The following EPB41L2 variants were observed in gnomAD, a reference collection of about 807,000 sequenced individuals.
The protein encoded by EPB41L2 is erythrocyte membrane protein band 4.1 like 2.
EPB41L2 carries 43 observed loss-of-function variants against 113.0 expected under a neutral mutation model. The observed-to-expected ratio is 0.38, with a 90% CI of 0.30 to 0.49. The LOEUF is 0.49. Among genes scored for constraint, EPB41L2 ranks in the 20% least tolerant of loss-of-function variants. The probability of loss-of-function intolerance (pLI) is 0.95; values close to 1 mark genes in which losing one functional copy is unlikely to be tolerated. For synonymous variants in EPB41L2, 442 were observed against 436.7 expected (o/e 1.01, Z -0.15); for missense variants, 1,147 against 1,223.4 (o/e 0.94, Z 0.93).
At chr6:130,954,209 C>G (rs1255143926) in intron 3 of EPB41L2, among the ~76,000 whole-genome samples, 1 of 151,836 alleles carries the variant, frequency 6.6e-6, no homozygotes, top group South Asian at 2.1e-4. Flanking sequence ...CCCGCCACTA[C>G]GCCTGGCTAA....
At chr6:131,053,500 C>G (rs1458638794) in intron 1 of EPB41L2, among the ~76,000 whole-genome samples, 1 of 151,554 alleles carries the variant, frequency 6.6e-6, no homozygotes, top group Non-Finnish European at 1.5e-5. Context: ...GAAAAGCTCC[C>G]TGCTTCTAGT....
chr6:130,868,960 C>G (rs1478067269), intron 15 of EPB41L2: 3 of 152,562 alleles, frequency 2.0e-5, no homozygotes, highest in Non-Finnish European at 4.4e-5. Flanking sequence ...AGGCTCTTAA[C>G]AAAACCATAC....
rs1223275967 is a variant in EPB41L2 at position 130,839,781 on chromosome 6, A to C, written c.*823T>G. 3 of 152,244 alleles carry C rather than the reference A, an allele frequency of 2.0e-5. No homozygotes were observed. Among genetic ancestry groups the C allele is most frequent in the Non-Finnish European group, 4.4e-5 (3 of 68,044 alleles). 9.4% of individuals were successfully genotyped at this position (152,244 alleles called of 1,614,324 possible). ...AGCACTAAGGTTTTAAGCTGCCTGA[A>C]TCTTTTAGTAGAAGGGAAGAAAGTT... On this transcript the variant is annotated 3_prime_UTR_variant, in exon 20 of 20. Coordinates refer to ENST00000337057, the MANE Select transcript of EPB41L2 (RefSeq NM_001431.4).
chr6:130,860,496 G>T (rs767055577), intron 18 of EPB41L2, among the ~76,000 whole-genome samples: 41 of 152,300 alleles, frequency 2.7e-4, no homozygotes, highest in Non-Finnish European at 4.9e-4. Flanking sequence ...AGGATTATGA[G>T]AAAACATCAC....
chr6:130,925,190 C>CTTTTTTTTTT (rs398048854), intron 4 of EPB41L2, among the ~76,000 whole-genome samples: 7 of 130,434 alleles, frequency 5.4e-5, no homozygotes, highest in East Asian at 2.2e-4. Flanking sequence ...GATTTCTTTT[C>CTTTTTTTTTT]TTTTTTTTTT....
At chr6:130,851,898 G>A (rs1175587953) in intron 19 of EPB41L2, among the ~76,000 whole-genome samples, 2 of 151,994 alleles carry the variant, frequency 1.3e-5, no homozygotes, top group Admixed American at 1.3e-4. Context: ...CCTCAGCTCT[G>A]AGCTAGCCCT....
At chr6:130,921,646 A>G (rs1349080133) in intron 4 of EPB41L2, among the ~76,000 whole-genome samples, 1 of 152,230 alleles carries the variant, frequency 6.6e-6, no homozygotes, top group East Asian at 1.9e-4. Flanking sequence ...CTCAATAGCT[A>G]TAATAGAATG....
At chr6:131,002,709 A>G (rs1266831849) in intron 1 of EPB41L2, among the ~76,000 whole-genome samples, 3 of 152,162 alleles carry the variant, frequency 2.0e-5, no homozygotes, top group Non-Finnish European at 4.4e-5. Flanking sequence ...TTTAACCTCT[A>G]TTTCTTTCAG....
intron 1 of EPB41L2, among the ~76,000 whole-genome samples, chr6:131,003,521 GA>G (rs1784812306): frequency 1.3e-5 from 2 of 152,196 alleles, no homozygotes. Context: ...GGGGAAAAGA[GA>G]AAGGGCAAAA....
At position 130,897,224 on chromosome 6, in the gene EPB41L2, TA is replaced by T. The variant is rs566049861; in HGVS notation, c.1237-2106del. On this transcript the variant is annotated intron_variant, in intron 8 of 19. Transcript: ENST00000337057. Reference sequence around the variant, plus strand: ...ATATGACATTACAAACTCTTCTAATTAAAAAAAAAAATCTGATTTTAAGGCA... The same window carrying T: ...ATATGACATTACAAACTCTTCTAATTAAAAAAAAAATCTGATTTTAAGGCA... Among the ~76,000 whole-genome samples, 461 of 146,020 alleles carry T rather than the reference TA, an allele frequency of 3.2e-3. 2 individuals are homozygous for T. Among genetic ancestry groups the T allele is most frequent in the Middle Eastern group, 0.029 (8 of 280 alleles).
At chr6:130,918,715 T>C (rs1331878502) in intron 4 of EPB41L2, among the ~76,000 whole-genome samples, 1 of 150,544 alleles carries the variant, frequency 6.6e-6, no homozygotes, top group African/African-American at 2.4e-5. Flanking sequence ...CATGAAAAAT[T>C]TGTATACAAA....
At chr6:130,979,816 C>A (rs931021106) in intron 1 of EPB41L2, among the ~76,000 whole-genome samples, 2 of 152,106 alleles carry the variant, frequency 1.3e-5, no homozygotes, top group Non-Finnish European at 2.9e-5. Flanking sequence ...AGGTGGAAAT[C>A]CGAAGATGGT....
chr6:130,857,584 G>A (rs1264287289), intron 19 of EPB41L2, among the ~76,000 whole-genome samples: 1 of 106,974 alleles, frequency 9.3e-6, no homozygotes, highest in Non-Finnish European at 1.7e-5. Context: ...TTGAGATGGA[G>A]TCTCACTTCT....
At chr6:130,898,602 G>A (rs943019895) in intron 8 of EPB41L2, among the ~76,000 whole-genome samples, 36 of 152,042 alleles carry the variant, frequency 2.4e-4, no homozygotes, top group African/African-American at 2.4e-5. Context: ...AGCGATGTGC[G>A]CTTACACATT....
intron 1 of EPB41L2, among the ~76,000 whole-genome samples, chr6:131,061,036 G>A (rs773688675): frequency 1.3e-5 from 2 of 152,140 alleles, no homozygotes; most frequent in Non-Finnish European, 2.9e-5. Flanking sequence ...AAGAGTTCGA[G>A]GGACGTGGCT....
chr6:130,889,596 T>C (rs1360429340), intron 11 of EPB41L2, among the ~76,000 whole-genome samples: 1 of 152,238 alleles, frequency 6.6e-6, no homozygotes, highest in Non-Finnish European at 1.5e-5. Flanking sequence ...GTTTGGTAAG[T>C]TGTTTCACTC....
intron 3 of EPB41L2, among the ~76,000 whole-genome samples, chr6:130,931,976 C>T (rs1044873968): frequency 6.6e-6 from 1 of 152,048 alleles, no homozygotes; most frequent in African/African-American, 2.4e-5. Flanking sequence ...AAGTACCCAC[C>T]TTATAATGGT....
intron 18 of EPB41L2, 28 bp from the exon 19 acceptor site, chr6:130,858,271 G>C: frequency 6.3e-7 from 1 of 1,579,274 alleles, no homozygotes; most frequent in Non-Finnish European, 8.6e-7. Flanking sequence ...GAGAACGGCT[G>C]TGAGCTGGGG....
intron 19 of EPB41L2, among the ~76,000 whole-genome samples, chr6:130,842,089 A>G (rs554957727): frequency 1.5e-4 from 23 of 152,328 alleles, no homozygotes; most frequent in Non-Finnish European, 3.1e-4. Context: ...CCCAAAGTCA[A>G]TTAGAATGTA....
Sources: gnomAD v4.1 joint callset for allele counts (sites outside exome capture counted in the v4.1 genomes callset) on GRCh38, gnomAD v4.1.1 for gene constraint, MANE v1.5 for transcripts, NCBI Gene and HGNC (gene_info 2026-07-23, HGNC 2026-07-21) for gene names.